LRRC7: variants seen among roughly 807,000 people sequenced by gnomAD.
LRRC7 encodes the protein leucine rich repeat containing 7.
In LRRC7, 23 loss-of-function variants were observed where a neutral mutation model predicts 175.7. The ratio of observed to expected loss-of-function variants is 0.13; its 90% CI spans 0.09 to 0.19. The LOEUF (loss-of-function observed/expected upper bound fraction) is 0.19. LRRC7 is among the 10% of genes least tolerant of loss of function. The probability of loss-of-function intolerance (pLI) is 1.00; values close to 1 mark genes in which losing one functional copy is unlikely to be tolerated. For synonymous variants in LRRC7, 685 were observed against 680.9 expected, an observed-to-expected ratio of 1.01 and a Z score of -0.09; for missense variants, 1,354 against 1,904.7, an observed-to-expected ratio of 0.71 and a Z score of 5.38.
intron 1 of LRRC7, among the ~76,000 whole-genome samples, chr1:69,595,425 C>G (rs1646802768): frequency 6.6e-6 from 1 of 152,010 alleles, no homozygotes; most frequent in African/African-American, 2.4e-5. Context: ...AAAAAACAAA[C>G]AAAAAACAAA....
intron 3 of LRRC7, among the ~76,000 whole-genome samples, chr1:69,774,261 T>C (rs1569711505): frequency 6.6e-6 from 1 of 152,176 alleles, no homozygotes; most frequent in Admixed American, 6.5e-5. Context: ...TAGAATAAAA[T>C]GTAGACCTAC....
At chr1:70,043,039 G>A (rs1467423726) in intron 21 of LRRC7, among the ~76,000 whole-genome samples, 3 of 151,908 alleles carry the variant, frequency 2.0e-5, no homozygotes, top group African/African-American at 7.3e-5. Context: ...GGGGCCAAAT[G>A]CTGTCAATGA....
intron 7 of LRRC7, among the ~76,000 whole-genome samples, chr1:69,921,908 T>G (rs1646899275): frequency 6.6e-6 from 1 of 151,816 alleles, no homozygotes; most frequent in South Asian, 2.1e-4. Context: ...TCTTATCAAT[T>G]CTTACATTCA....
chr1:69,905,273 A>G (rs1305324084), intron 7 of LRRC7, among the ~76,000 whole-genome samples: 2 of 151,580 alleles, frequency 1.3e-5, no homozygotes, highest in African/African-American at 4.8e-5. Flanking sequence ...TATTATTATT[A>G]TACTTTAAGT....
chr1:69,878,277 A>G (rs997044735), intron 7 of LRRC7, among the ~76,000 whole-genome samples: 4 of 49,018 alleles, frequency 8.2e-5, no homozygotes, highest in Non-Finnish European at 1.2e-4. Flanking sequence ...CTTATCTTAG[A>G]AAAAAAAAAA....
At chr1:69,715,921 T>C (rs1417727857) in intron 2 of LRRC7, among the ~76,000 whole-genome samples, 3 of 151,988 alleles carry the variant, frequency 2.0e-5, no homozygotes, top group African/African-American at 7.2e-5. Flanking sequence ...TGGACAACAG[T>C]ATCATCCTTT....
At chr1:69,647,033 T>A (rs1655101079) in intron 1 of LRRC7, among the ~76,000 whole-genome samples, 1 of 152,090 alleles carries the variant, frequency 6.6e-6, no homozygotes, top group Non-Finnish European at 1.5e-5. Flanking sequence ...AATGTCATAG[T>A]AGGAAACAGA....
At chr1:70,106,021 A>C (rs1293049598) in intron 25 of LRRC7, among the ~76,000 whole-genome samples, 1 of 152,098 alleles carries the variant, frequency 6.6e-6, no homozygotes, top group Non-Finnish European at 1.5e-5. Flanking sequence ...CACACACACA[A>C]AGTTATGAGC....
intron 3 of LRRC7, among the ~76,000 whole-genome samples, chr1:69,764,920 G>T (rs1026444473): frequency 6.6e-6 from 1 of 151,980 alleles, no homozygotes; most frequent in East Asian, 1.9e-4. Context: ...TCAAAGAAAA[G>T]TAAGATTATG....
At chr1:69,924,316 G>T (rs938658339) in intron 7 of LRRC7, among the ~76,000 whole-genome samples, 12 of 152,066 alleles carry the variant, frequency 7.9e-5, no homozygotes, top group African/African-American at 2.9e-4. Context: ...GAACTTTAAA[G>T]TAGTTTTTTC....
chr1:70,043,122 T>C (rs1028060359), intron 21 of LRRC7, among the ~76,000 whole-genome samples: 42 of 152,248 alleles, frequency 2.8e-4, no homozygotes, highest in Middle Eastern at 3.4e-3. Flanking sequence ...ATCTAAAATT[T>C]TACATCTAAT....
intron 2 of LRRC7, among the ~76,000 whole-genome samples, chr1:69,701,999 G>A (rs1048305867): frequency 2.6e-5 from 4 of 152,120 alleles, no homozygotes; most frequent in Admixed American, 2.0e-4. Context: ...TTTAAATTCT[G>A]TTTTTAAGTT....
intron 8 of LRRC7, among the ~76,000 whole-genome samples, chr1:69,978,913 GTAA>G (rs1196219137): frequency 1.5e-5 from 2 of 131,230 alleles, no homozygotes; most frequent in Non-Finnish European, 3.2e-5. Flanking sequence ...GTTTCAGTAA[GTAA>G]TAATTGTTTC....
chr1:69,834,292 T>G (rs1680864424), intron 5 of LRRC7, among the ~76,000 whole-genome samples: 1 of 152,154 alleles, frequency 6.6e-6, no homozygotes, highest in African/African-American at 2.4e-5. Context: ...GACAACATAC[T>G]CCTTCACTTT....
intron 1 of LRRC7, among the ~76,000 whole-genome samples, chr1:69,677,134 T>C (rs923252848): frequency 1.3e-5 from 2 of 151,110 alleles, no homozygotes; most frequent in Non-Finnish European, 3.0e-5. Flanking sequence ...GAGTGGTATA[T>C]ATAAACACAT....
intron 1 of LRRC7, among the ~76,000 whole-genome samples, chr1:69,646,058 A>G (rs1471604204): frequency 6.6e-6 from 1 of 152,128 alleles, no homozygotes; most frequent in Non-Finnish European, 1.5e-5. Flanking sequence ...TATATGAATG[A>G]TTAAAAAGAT....
intron 10 of LRRC7, among the ~76,000 whole-genome samples, chr1:69,992,761 G>C (rs1240452960): frequency 1.3e-5 from 2 of 152,174 alleles, no homozygotes; most frequent in African/African-American, 2.4e-5. Flanking sequence ...TTTCTTGTGA[G>C]AGCCACTACT....
intron 21 of LRRC7, among the ~76,000 whole-genome samples, chr1:70,042,689 A>G (rs1660013371): frequency 6.6e-6 from 1 of 152,224 alleles, no homozygotes; most frequent in Non-Finnish European, 1.5e-5. Flanking sequence ...AGAGAGCACT[A>G]GACTGGAGGA....
chr1:69,992,820 A>G (rs1378970079), intron 10 of LRRC7, among the ~76,000 whole-genome samples: 1 of 152,076 alleles, frequency 6.6e-6, no homozygotes, highest in Non-Finnish European at 1.5e-5. Flanking sequence ...TTAGGCCCCA[A>G]CCTTCCTCAA....
Sources: gnomAD v4.1 joint callset for allele counts (sites outside exome capture counted in the v4.1 genomes callset) on GRCh38, gnomAD v4.1.1 for gene constraint, MANE v1.5 for transcripts, NCBI Gene and HGNC (gene_info 2026-07-23, HGNC 2026-07-21) for gene names.